Variants in BBS12 observed in about 807,000 individuals in gnomAD.
BBS12 encodes Bardet-Biedl syndrome 12, also known as chaperonin-containing T-complex member BBS12.
A neutral mutation model predicts 5.6 loss-of-function variants in BBS12; 5 were observed. The ratio of observed to expected loss-of-function variants is 0.89; its 90% confidence interval spans 0.46 to 1.86. The LOEUF (loss-of-function observed/expected upper bound fraction) is 1.86. Among genes scored for constraint, BBS12 ranks in the 40% most tolerant of loss-of-function variants. The pLI, the probability that BBS12 is intolerant of heterozygous loss-of-function variation, is 0.01. For synonymous variants in BBS12, 308 were observed against 306.8 expected (o/e 1.00, Z -0.04); for missense variants, 748 against 830.4 (o/e 0.90, Z 1.22).
chr4:122,703,082 A>C, the BBS12 span, among the ~76,000 whole-genome samples: 1 of 152,332 alleles, frequency 6.6e-6, no homozygotes, highest in Admixed American at 6.5e-5. Flanking sequence ...CTCCTCTTGC[A>C]ATCCTGATTA....
rs377611257 is a variant in BBS12 at position 122,743,077 on chromosome 4, G to A, written c.1185G>A (p.Leu395=). The A allele has an allele frequency of 1.0e-4, 167 of 1,614,276 alleles. No homozygotes were observed. The highest frequency in any genetic ancestry group is 1.6e-4 in the Middle Eastern group (1 of 6,062). ...MRLQEDSSEE[L]WANHVLQVLI... is the part of the protein sequence containing the mutation. ...TTCAAGAAGACAGCTCAGAAGAACT[G>A]TGGGCAAATCACGTGTTACAGGTGT... Residue 395 remains leucine, a synonymous_variant, in exon 2 of 2, where the codon CTG becomes CTA. Coordinates refer to ENST00000314218, the MANE Select transcript of BBS12 (RefSeq NM_152618.3).
At chr4:122,727,678 G>A in the BBS12 span, among the ~76,000 whole-genome samples, 362 of 149,304 alleles carry the variant, frequency 2.4e-3, 3 homozygotes, top group African/African-American at 8.6e-3. Context: ...TCAGCTTCCC[G>A]AGTAGCTGGG....
chr4:122,721,723 G>A, the BBS12 span, among the ~76,000 whole-genome samples: 7,125 of 152,230 alleles, frequency 0.047, 540 homozygotes, highest in African/African-American at 0.16. Flanking sequence ...TGGGATGGTG[G>A]CTAGGTTCCA....
chr4:122,723,295 A>G, the BBS12 span, among the ~76,000 whole-genome samples: 1 of 152,126 alleles, frequency 6.6e-6, no homozygotes, highest in Admixed American at 6.6e-5. Flanking sequence ...CTCTTTTTCT[A>G]TTCTCTGAAA....
chr4:122,701,913 A>G, the BBS12 span, among the ~76,000 whole-genome samples: 3 of 152,146 alleles, frequency 2.0e-5, no homozygotes, highest in African/African-American at 7.2e-5. Flanking sequence ...AAGCAGCATG[A>G]TTGCTCCTGC....
At chr4:122,701,509 A>G in the BBS12 span, among the ~76,000 whole-genome samples, 1 of 152,216 alleles carries the variant, frequency 6.6e-6, no homozygotes, top group African/African-American at 2.4e-5. Flanking sequence ...GACATGCACA[A>G]ATGTGGGGTA....
rs1578489401 is a variant in BBS12 at position 122,741,904 on chromosome 4, T to C, written c.12T>C (p.Ala4=). ...GCAGATCATGATACATGGTGATGGC[T>C]TGCAGAGTCGTAAACAAAAGAAGAC... MVM[A]CRVVNKRRHM... The change falls in exon 2 of 2, where the codon GCT becomes GCC. Residue 4 remains alanine (A), a synonymous_variant. Transcript: ENST00000314218. 1 of 1,614,160 alleles carries C rather than the reference T, an allele frequency of 6.2e-7. No individual in the cohort carries two copies. Among genetic ancestry groups the C allele is most frequent in the Non-Finnish European group, 8.5e-7 (1 of 1,180,018 alleles).
chr4:122,708,097 G>A, the BBS12 span, among the ~76,000 whole-genome samples: 1 of 148,876 alleles, frequency 6.7e-6, no homozygotes, highest in South Asian at 2.1e-4. Context: ...CTGAAGCCTT[G>A]ACCTCTCTGG....
At chr4:122,735,692 A>G (rs2150732733) in intron 1 of BBS12, among the ~76,000 whole-genome samples, 1 of 152,332 alleles carries the variant, frequency 6.6e-6, no homozygotes, top group East Asian at 1.9e-4. Flanking sequence ...TCACTTACCA[A>G]ATATTTATAG....
At chr4:122,727,991 T>C (rs1800645861), upstream of BBS12, among the ~76,000 whole-genome samples, 1 of 152,156 alleles carries the variant, frequency 6.6e-6, no homozygotes, top group South Asian at 2.1e-4. Flanking sequence ...AAATGTATGA[T>C]TTGCAACTTG....
In BBS12 at chr4:122,742,859, T is replaced by A. The variant is rs1460362781; in HGVS notation, c.967T>A (p.Leu323Ile). The change falls in exon 2 of 2, where the codon TTA becomes ATA. Residue 323 changes from leucine (L) to isoleucine (I), a missense_variant. By Grantham distance (5) the Leu-to-Ile change is conservative (BLOSUM62 2). Coordinates refer to ENST00000314218, the MANE Select transcript of BBS12 (RefSeq NM_152618.3). Reference protein sequence around the residue: ...SRIFTCCLPGLPETSSCVCPG... With the variant: ...SRIFTCCLPGIPETSSCVCPG... ...AATTTTCACTTGCTGTCTACCAGGC[T>A]TACCTGAAACTTCTTCTTGTGTTTG... 4 of 1,614,110 alleles carry A rather than the reference T, an allele frequency of 2.5e-6. No homozygotes were observed. Among genetic ancestry groups the A allele is most frequent in the Non-Finnish European group, 2.5e-6 (3 of 1,180,048 alleles).
chr4:122,736,043 C>G (rs891544702), intron 1 of BBS12, among the ~76,000 whole-genome samples: 9 of 152,024 alleles, frequency 5.9e-5, no homozygotes, highest in African/African-American at 2.2e-4. Flanking sequence ...ACAACTAGAA[C>G]AGAAACATTA....
chr4:122,743,026 T>A lies in BBS12; in HGVS notation c.1134T>A (p.Ile378=), dbSNP rs1800910675. The A allele has an allele frequency of 1.2e-6, 2 of 1,614,210 alleles. No homozygotes were observed. Among genetic ancestry groups the A allele is most frequent in the African/African-American group, 1.3e-5 (1 of 75,050 alleles). Residue 378 remains isoleucine (I), a synonymous_variant, in exon 2 of 2, where the codon ATT becomes ATA. Transcript: ENST00000314218. The part of the protein sequence containing the change: ...RHLGFNKSAN[I]KTVLDSMRLQ... ...TGGGATTTAATAAGTCTGCAAATAT[T>A]AAAACAGTATTAGATAGCATGCGGC...
At chr4:122,723,336 T>C in the BBS12 span, among the ~76,000 whole-genome samples, 1 of 152,230 alleles carries the variant, frequency 6.6e-6, no homozygotes, top group African/African-American at 2.4e-5. Flanking sequence ...TAAATGGTAA[T>C]AGACACCAAT....
chr4:122,707,302 T>TAACTA, the BBS12 span, among the ~76,000 whole-genome samples: 106,990 of 151,366 alleles, frequency 0.71, 39,880 homozygotes, highest in East Asian at 0.95. Flanking sequence ...AATTATCATT[T>TAACTA]GTTTCCCCAC....
chr4:122,717,819 C>T, the BBS12 span, among the ~76,000 whole-genome samples: 85 of 152,244 alleles, frequency 5.6e-4, no homozygotes, highest in African/African-American at 2.0e-3. Flanking sequence ...GCCACCACAC[C>T]GAGCCACTTT....
At chr4:122,716,636 T>TGCAC in the BBS12 span, among the ~76,000 whole-genome samples, 4 of 127,114 alleles carry the variant, frequency 3.1e-5, no homozygotes, top group Admixed American at 7.9e-5. Context: ...CACATATGTA[T>TGCAC]ATACACACGT....
chr4:122,738,992 G>C (rs984206059), intron 1 of BBS12, among the ~76,000 whole-genome samples: 4 of 152,152 alleles, frequency 2.6e-5, no homozygotes, highest in African/African-American at 4.8e-5. Context: ...CTGGATTAAG[G>C]TGGGCCCTAA....
the BBS12 span, among the ~76,000 whole-genome samples, chr4:122,703,754 C>T: frequency 2.0e-5 from 3 of 152,140 alleles, no homozygotes; most frequent in East Asian, 5.8e-4. Flanking sequence ...GCAACCACTG[C>T]AGGACTAGTG....
Sources: allele counts gnomAD v4.1 joint callset (sites outside exome capture counted in the v4.1 genomes callset), GRCh38; gene constraint gnomAD v4.1.1; transcripts MANE v1.5; gene names NCBI Gene and HGNC (gene_info 2026-07-23, HGNC 2026-07-21).